The following USP38 variants were observed in gnomAD, a reference collection of about 807,000 sequenced individuals.
The protein encoded by USP38 is ubiquitin specific peptidase 38.
Under a neutral mutation model 94.3 loss-of-function variants are expected in USP38, and 49 were observed. The ratio of observed to expected loss-of-function variants is 0.52; its 90% CI spans 0.41 to 0.66. USP38 has a LOEUF of 0.66. USP38 is among the 30% of genes least tolerant of loss of function. USP38 has a pLI of 0.00. For missense variants in USP38, 1,128 were observed against 1,229.4 expected (o/e 0.92, Z 1.23); for synonymous variants, 468 against 463.6 (o/e 1.01, Z -0.12).
intron 2 of USP38, 67 bp from the exon 3 acceptor site, chr4:143,195,649 C>G: frequency 6.7e-7 from 1 of 1,482,962 alleles, no homozygotes; most frequent in Non-Finnish European, 9.1e-7. Flanking sequence ...TCTACTGTAA[C>G]TCTTGTTATC....
rs1165577789 is a variant in USP38 at position 143,214,482 on chromosome 4, A to G, written c.2506A>G (p.Lys836Glu). The G allele has an allele frequency of 3.7e-6, 6 of 1,613,320 alleles. No homozygotes were observed. The highest frequency in any genetic ancestry group is 4.2e-6 in the Non-Finnish European group (5 of 1,179,748). The change falls in exon 9 of 10, where the codon AAA (lysine) becomes GAA (glutamate). Residue 836 changes from lysine to glutamate, a missense_variant. Lys to Glu is a moderately conservative substitution (Grantham distance 56). Coordinates refer to ENST00000307017, the MANE Select transcript of USP38 (RefSeq NM_032557.6). ...AGGGACTGATGAAGCTTCCTGCACA[A>G]AATTGGTGCCCTATCTATTAAGTTC... ...PSGTDEASCT[K>E]LVPYLLSSVV...
chr4:143,214,032 T>TA lies in USP38; in HGVS notation c.2057dup (p.Tyr686Ter), dbSNP rs1732109226. 6.2e-7 allele frequency: 1 copy of TA among 1,613,530 alleles called. No homozygotes were observed. Among genetic ancestry groups the TA allele is most frequent in the Non-Finnish European group, 8.5e-7 (1 of 1,179,850 alleles). Residue 686 changes from tyrosine (Y) to a stop codon, truncating the protein, a stop_gained and frameshift_variant, in exon 9 of 10, where the codon TAC becomes TAAC. Coordinates refer to ENST00000307017, the MANE Select transcript of USP38 (RefSeq NM_032557.6). LOFTEE classifies it high-confidence loss of function. ...CATAGGCAGTCCTCCTAATGAGTTT[T>TA]ACTGTTCTGAAAACACTTCTGTCCC... ...KTIGSPPNEF[Y>*]CSENTSVPNE... is the part of the protein sequence containing the mutation.
chr4:143,203,854 G>A (rs947133152), intron 5 of USP38, among the ~76,000 whole-genome samples: 3 of 152,034 alleles, frequency 2.0e-5, no homozygotes, highest in Admixed American at 6.5e-5. Context: ...GCTACGTTAA[G>A]TTAATGCATA....
In USP38 at chr4:143,220,629, A is replaced by C; in HGVS notation, c.*173A>C. On this transcript the variant is annotated 3_prime_UTR_variant, in exon 10 of 10. Coordinates refer to ENST00000307017, the MANE Select transcript of USP38 (RefSeq NM_032557.6). ...GACACATTTATTAACAAAATGCATC[A>C]TGGAAAAAAAAATCTACCTCTTAAA... is the stretch of plus-strand genomic sequence containing the variant. 1.6e-6 allele frequency: 1 copy of C among 627,348 alleles called. No homozygotes were observed. The highest frequency in any genetic ancestry group is 2.1e-6 in the Non-Finnish European group (1 of 474,416). 38.9% of individuals were successfully genotyped at this position (627,348 alleles called of 1,614,324 possible). A position where few individuals can be genotyped will look rare whatever the true frequency, so the allele number is the denominator to read the frequency against.
chr4:143,212,320 G>T lies in USP38; in HGVS notation c.1500G>T (p.Arg500Ser). Residue 500 changes from arginine (R) to serine (S), a missense_variant and splice_region_variant, in exon 8 of 10, where the codon AGG becomes AGT. Coordinates refer to ENST00000307017, the MANE Select transcript of USP38 (RefSeq NM_032557.6). ...ATTTTCTCAATTGCTCTCAAAAGAG[G>T]GAAGCATACGCACCTCGGATATTCT... ...HLFAFLAHTQ[R>S]EAYAPRIFFE... 1 of 1,604,738 alleles carries T rather than the reference G, an allele frequency of 6.2e-7. No homozygotes were observed. The highest frequency in any genetic ancestry group is 8.5e-7 in the Non-Finnish European group (1 of 1,176,096).
Position 143,221,110 on chromosome 4 carries a change from T to A in USP38, c.*654T>A, listed in dbSNP as rs1186394510. On this transcript the variant is annotated 3_prime_UTR_variant, in exon 10 of 10. Coordinates refer to ENST00000307017, the MANE Select transcript of USP38 (RefSeq NM_032557.6). ...GCATGATCCTGTAGGAGCAACATTT[T>A]TACCTAAAAAATGCTAACTTTATAG... is the stretch of plus-strand genomic sequence containing the variant. 2.6e-5 allele frequency: 4 copies of A among 152,592 alleles called. No individual in the cohort carries two copies. The highest frequency in any genetic ancestry group is 9.6e-5 in the African/African-American group (4 of 41,458). 9.5% of individuals were successfully genotyped at this position (152,592 alleles called of 1,614,324 possible). A position where few individuals can be genotyped will look rare whatever the true frequency, so the allele number is the denominator to read the frequency against.
At chr4:143,195,941 TA>T (rs1263079134) in intron 3 of USP38, 96 bp downstream of exon 3, 1 of 1,173,034 alleles carries the variant, frequency 8.5e-7, no homozygotes, top group Admixed American at 3.2e-5. Context: ...TAATTTTGAA[TA>T]TGTTATTGTT....
chr4:143,187,013 TTC>T (rs1190209907), intron 1 of USP38, among the ~76,000 whole-genome samples: 3 of 152,212 alleles, frequency 2.0e-5, no homozygotes, highest in Non-Finnish European at 4.4e-5. Context: ...TTAACAAACG[TTC>T]TGTGTTCTGA....
At chr4:143,200,172 G>T (rs764056730) in intron 4 of USP38, among the ~76,000 whole-genome samples, 74 of 152,112 alleles carry the variant, frequency 4.9e-4, no homozygotes, top group Non-Finnish European at 8.4e-4. Context: ...AGCAAATCCA[G>T]CAGCACTTCA....
At chr4:143,206,270 A>G (rs1731866062) in intron 6 of USP38, 44 bp downstream of exon 6, 3 of 1,410,980 alleles carry the variant, frequency 2.1e-6, no homozygotes, top group Non-Finnish European at 1.9e-6. Context: ...GTAGAAGTTG[A>G]TGCATGCTGA....
chr4:143,189,210 A>G (rs1299335789), intron 2 of USP38, among the ~76,000 whole-genome samples: 1 of 151,974 alleles, frequency 6.6e-6, no homozygotes, highest in Non-Finnish European at 1.5e-5. Context: ...TATCAGTACT[A>G]TTTTATAGTT....
At chr4:143,188,077 A>G (rs145671734) in intron 2 of USP38, 116 bp downstream of exon 2, 17 of 1,194,132 alleles carry the variant, frequency 1.4e-5, no homozygotes, top group Non-Finnish European at 1.8e-5. Flanking sequence ...ATGGAATGAC[A>G]TATGTAAAGA....
At position 143,206,113 on chromosome 4, in the gene USP38, G is replaced by T. The variant is rs202006971; in HGVS notation, c.1290G>T (p.Ala430=). ...SAWTSQSNSL[A]SCLSRLSGKS... is the part of the protein sequence containing the mutation. ...GGACTTCTCAATCCAATTCTTTGGC[G>T]TCTTGCTTGTCTAGACTTTCTGGAA... is the stretch of plus-strand genomic sequence containing the variant. Residue 430 remains alanine (A), a synonymous_variant, in exon 6 of 10, where the codon GCG becomes GCT. Coordinates refer to ENST00000307017, the MANE Select transcript of USP38 (RefSeq NM_032557.6). The T allele has an allele frequency of 4.3e-6, 7 of 1,613,514 alleles. No homozygotes were observed. The South Asian group carries it at 7.7e-5, about 18-fold the overall frequency.
intron 1 of USP38, 68 bp from the exon 2 acceptor site, chr4:143,187,755 TAAA>T: frequency 1.4e-6 from 2 of 1,472,124 alleles, no homozygotes; most frequent in South Asian, 1.4e-5. Context: ...TTTTTTTTTG[TAAA>T]GTGTTGTTCT....
At chr4:143,217,664 A>G (rs907687007) in intron 9 of USP38, among the ~76,000 whole-genome samples, 47 of 152,086 alleles carry the variant, frequency 3.1e-4, no homozygotes, top group African/African-American at 1.1e-3. Context: ...TTAGGATTTC[A>G]TTTTTACATT....
intron 4 of USP38, among the ~76,000 whole-genome samples, chr4:143,199,335 A>G (rs917532450): frequency 6.6e-6 from 1 of 152,170 alleles, no homozygotes; most frequent in Non-Finnish European, 1.5e-5. Context: ...TTATGGCTGC[A>G]TAGTATTCCA....
At chr4:143,190,130 G>T (rs545597625) in intron 2 of USP38, among the ~76,000 whole-genome samples, 4 of 152,138 alleles carry the variant, frequency 2.6e-5, no homozygotes, top group East Asian at 1.9e-4. Context: ...GCACTAAAGT[G>T]TCTTTCTCTT....
At chr4:143,187,445 G>C (rs1210493781) in intron 1 of USP38, among the ~76,000 whole-genome samples, 1 of 152,130 alleles carries the variant, frequency 6.6e-6, no homozygotes, top group African/African-American at 2.4e-5. Flanking sequence ...AGTTATTTTG[G>C]AGGGTCTGAA....
chr4:143,203,448 A>G lies in USP38; in HGVS notation c.1091A>G (p.Asn364Ser), dbSNP rs140658606. The change falls in exon 5 of 10, where the codon AAT becomes AGT. Residue 364 changes from asparagine to serine, a missense_variant. By Grantham distance (46) the Asn-to-Ser change is conservative. Coordinates refer to ENST00000307017, the MANE Select transcript of USP38 (RefSeq NM_032557.6). Reference sequence around the variant, plus strand: ...GTTAATTTGGTTCATTCTTTCAAAAATGATGGTCTGCCTTCAAGTACAGCC... The same window carrying G: ...GTTAATTTGGTTCATTCTTTCAAAAGTGATGGTCTGCCTTCAAGTACAGCC... ...HVVNLVHSFKNDGLPSSTAFL... is the reference protein window; with the variant it reads ...HVVNLVHSFKSDGLPSSTAFL... The G allele has an allele frequency of 1.4e-5, 23 of 1,613,012 alleles. No homozygotes were observed. Among genetic ancestry groups the G allele is most frequent in the South Asian group, 6.6e-5 (6 of 91,010 alleles).
Sources: allele counts gnomAD v4.1 joint callset (sites outside exome capture counted in the v4.1 genomes callset), GRCh38; gene constraint gnomAD v4.1.1; transcripts MANE v1.5; gene names NCBI Gene and HGNC (gene_info 2026-07-23, HGNC 2026-07-21).